FAT3: variants seen among roughly 807,000 people sequenced by gnomAD.
The protein encoded by FAT3 is protocadherin Fat 3.
A neutral mutation model predicts 310.2 loss-of-function variants in FAT3; 95 were observed. That is an observed-to-expected ratio of 0.31 (90% CI 0.26 to 0.36). The LOEUF (loss-of-function observed/expected upper bound fraction) is 0.36, where lower values mean the gene tolerates loss of function less well. Ranked by LOEUF, FAT3 falls within the 10% of genes least tolerant of loss-of-function variation. The pLI, the probability that FAT3 is intolerant of heterozygous loss-of-function variation, is 1.00. For missense variants in FAT3, 5,408 were observed against 5,715.6 expected (o/e 0.95, Z 1.74); for synonymous variants, 2,314 against 2,192.9 (o/e 1.06, Z -1.54).
At chr11:92,275,250 ATC>A (rs1009799242) in intron 1 of FAT3, among the ~76,000 whole-genome samples, 10 of 152,024 alleles carry the variant, frequency 6.6e-5, no homozygotes, top group South Asian at 2.1e-4. Context: ...CAAGACGTTT[ATC>A]TCTCTTTTCT....
At position 92,372,575 on chromosome 11, in the gene FAT3, A is replaced by T. The variant is rs141202318; in HGVS notation, c.3292+17171A>T. Among the ~76,000 whole-genome samples the T allele has an allele frequency of 2.1e-3, 315 of 152,248 alleles. 3 individuals are homozygous for T. Among genetic ancestry groups the T allele is most frequent in the African/African-American group, 7.3e-3 (305 of 41,556 alleles). On this transcript the variant is annotated intron_variant, in intron 2 of 27. Coordinates refer to ENST00000525166, the MANE Select transcript of FAT3 (RefSeq NM_001367949.2). ...GGTTCTGGTTTATCAAGGTTTTGTGATCCCTCTGTCTCTGGAACCTGGACT... is the reference window on the plus strand; with the variant it reads ...GGTTCTGGTTTATCAAGGTTTTGTGTTCCCTCTGTCTCTGGAACCTGGACT...
At chr11:92,665,082 G>A (rs1294374831) in intron 3 of FAT3, among the ~76,000 whole-genome samples, 1 of 152,120 alleles carries the variant, frequency 6.6e-6, no homozygotes, top group African/African-American at 2.4e-5. Context: ...GAGCTTGTTA[G>A]GTCATTTTTA....
chr11:92,421,031 A>C (rs1402905829), intron 2 of FAT3, among the ~76,000 whole-genome samples: 1 of 152,180 alleles, frequency 6.6e-6, no homozygotes, highest in African/African-American at 2.4e-5. Flanking sequence ...TTCCTGTCTC[A>C]GATAATTCTC....
chr11:92,807,274 C>T (rs1302816814), intron 12 of FAT3, among the ~76,000 whole-genome samples: 1 of 152,012 alleles, frequency 6.6e-6, no homozygotes, highest in Non-Finnish European at 1.5e-5. Flanking sequence ...AGCTTTAAGG[C>T]CTTCCAAATT....
At chr11:92,314,850 T>C (rs1257963844) in intron 1 of FAT3, among the ~76,000 whole-genome samples, 1 of 152,120 alleles carries the variant, frequency 6.6e-6, no homozygotes, top group Non-Finnish European at 1.5e-5. Flanking sequence ...ACTTTTCCTT[T>C]TAAAGTAGAA....
At chr11:92,700,566 A>G (rs1468234482) in intron 4 of FAT3, among the ~76,000 whole-genome samples, 2 of 152,128 alleles carry the variant, frequency 1.3e-5, no homozygotes, top group Admixed American at 6.5e-5. Flanking sequence ...TAGGTCTAAC[A>G]CAAATCCTAT....
intron 19 of FAT3, among the ~76,000 whole-genome samples, chr11:92,851,802 T>C (rs1310965044): frequency 1.3e-5 from 2 of 152,162 alleles, no homozygotes; most frequent in East Asian, 3.8e-4. Context: ...TCTGCATTAC[T>C]TCATGATAGC....
At chr11:92,262,337 A>G (rs1178133252) in intron 1 of FAT3, among the ~76,000 whole-genome samples, 2 of 152,090 alleles carry the variant, frequency 1.3e-5, no homozygotes, top group Admixed American at 1.3e-4. Flanking sequence ...AAGTTGCTTC[A>G]ATGGTTCTTT....
At chr11:92,570,853 A>G (rs558527063) in intron 3 of FAT3, among the ~76,000 whole-genome samples, 4 of 152,294 alleles carry the variant, frequency 2.6e-5, no homozygotes, top group South Asian at 4.1e-4. Context: ...TATGAGCAAG[A>G]TATGATTTCA....
At chr11:92,517,315 A>C (rs649922) in intron 2 of FAT3, among the ~76,000 whole-genome samples, 79,828 of 151,902 alleles carry the variant, frequency 0.53, 21,336 homozygotes, top group Middle Eastern at 0.62. Context: ...CAGAGGCCCC[A>C]GAAATAACCA....
chr11:92,653,689 G>T (rs1368811035), intron 3 of FAT3, among the ~76,000 whole-genome samples: 3 of 152,200 alleles, frequency 2.0e-5, no homozygotes, highest in Non-Finnish European at 2.9e-5. Flanking sequence ...ATATGTTGCA[G>T]TTGGAAAGTC....
chr11:92,830,464 T>A (rs1948216343), intron 13 of FAT3, among the ~76,000 whole-genome samples: 1 of 152,174 alleles, frequency 6.6e-6, no homozygotes, highest in Admixed American at 6.5e-5. Flanking sequence ...GATGGAGTAT[T>A]CCAGGCTCAC....
At chr11:92,620,231 A>G (rs971515628) in intron 3 of FAT3, among the ~76,000 whole-genome samples, 1 of 152,204 alleles carries the variant, frequency 6.6e-6, no homozygotes, top group Non-Finnish European at 1.5e-5. Flanking sequence ...GTATAATTCC[A>G]ATCTTTTTAA....
At chr11:92,295,084 G>A (rs1379675871) in intron 1 of FAT3, among the ~76,000 whole-genome samples, 1 of 152,056 alleles carries the variant, frequency 6.6e-6, no homozygotes, top group Non-Finnish European at 1.5e-5. Context: ...AAAGCTGGAG[G>A]TTTTCTGTAA....
At chr11:92,572,340 G>A (rs1186492341) in intron 3 of FAT3, among the ~76,000 whole-genome samples, 5 of 152,176 alleles carry the variant, frequency 3.3e-5, no homozygotes, top group Non-Finnish European at 7.3e-5. Context: ...ATGAGATCCA[G>A]CCTGAAGCCA....
At position 92,867,227 on chromosome 11, in the gene FAT3, G is replaced by A. The variant is rs761277122; in HGVS notation, c.12127+18G>A. On this transcript the variant is annotated intron_variant, in intron 22 of 27. Transcript: ENST00000525166. ...ATCGGGGGGTGAGTGTGGCTACGCA[G>A]TGGGCACTGGCCTGGGGGTTTGAGG... 23 of 1,540,840 alleles carry A rather than the reference G, an allele frequency of 1.5e-5. No individual in the cohort carries two copies. The South Asian group carries it at 2.2e-4, about 14-fold the overall frequency.
At position 92,438,811 on chromosome 11, in the gene FAT3, C is replaced by T. The variant is rs553679567; in HGVS notation, c.3292+83407C>T. Reference sequence around the variant, plus strand: ...TCCCCATGTAGTAGATGGTGCTTTTCCACAAGGTAAAGTTTGGACTCCAAG... The same window carrying T: ...TCCCCATGTAGTAGATGGTGCTTTTTCACAAGGTAAAGTTTGGACTCCAAG... On this transcript the variant is annotated intron_variant, in intron 2 of 27. Transcript: ENST00000525166. Among the ~76,000 whole-genome samples the T allele has an allele frequency of 1.3e-3, 201 of 152,226 alleles. 2 individuals are homozygous for T. The highest frequency in any genetic ancestry group is 4.7e-3 in the African/African-American group (197 of 41,550).
chr11:92,323,207 A>G (rs918856547), intron 1 of FAT3, among the ~76,000 whole-genome samples: 1 of 151,900 alleles, frequency 6.6e-6, no homozygotes, highest in Non-Finnish European at 1.5e-5. Context: ...TAATATATAT[A>G]TACATATACA....
chr11:92,612,307 G>A (rs1229624614), intron 3 of FAT3, among the ~76,000 whole-genome samples: 1 of 152,106 alleles, frequency 6.6e-6, no homozygotes, highest in Admixed American at 6.5e-5. Flanking sequence ...ACTGACTCAG[G>A]GCCCATGCCC....
Sources: gnomAD v4.1 joint callset for allele counts (sites outside exome capture counted in the v4.1 genomes callset) on GRCh38, gnomAD v4.1.1 for gene constraint, MANE v1.5 for transcripts, NCBI Gene and HGNC (gene_info 2026-07-23, HGNC 2026-07-21) for gene names.